Variants in NRCAM observed in about 807,000 individuals in gnomAD.
The protein encoded by NRCAM is neuronal cell adhesion molecule, also known as NgCAM-related cell adhesion molecule.
In NRCAM, 83 loss-of-function variants were observed where a neutral mutation model predicts 156.5. The observed-to-expected ratio is 0.53, with a 90% confidence interval of 0.44 to 0.64. The LOEUF is 0.64. NRCAM is among the 30% of genes least tolerant of loss of function. The pLI is 0.00. For synonymous variants in NRCAM, 538 were observed against 563.9 expected (o/e 0.95, Z 0.65); for missense variants, 1,417 against 1,597.3 (o/e 0.89, Z 1.92).
chr7:108,325,399 T>TCATTAGGAAAAAACCTACCTTTTGA (rs1366027979), intron 2 of NRCAM, among the ~76,000 whole-genome samples: 3 of 152,180 alleles, frequency 2.0e-5, no homozygotes, highest in Non-Finnish European at 4.4e-5. Context: ...CTTGGGCAAC[T>TCATTAGGAAAAAACCTACCTTTTGA]CATTAGGAAA....
At chr7:108,413,830 G>A (rs542823450) in intron 1 of NRCAM, among the ~76,000 whole-genome samples, 78 of 152,248 alleles carry the variant, frequency 5.1e-4, no homozygotes, top group African/African-American at 1.8e-3. Flanking sequence ...TCTCCACACT[G>A]TTCCTCTGGC....
At chr7:108,293,967 A>T (rs2098393523) in intron 3 of NRCAM, among the ~76,000 whole-genome samples, 1 of 152,074 alleles carries the variant, frequency 6.6e-6, no homozygotes, top group Non-Finnish European at 1.5e-5. Flanking sequence ...ATACTACTGG[A>T]GCCAGGAGTT....
intron 19 of NRCAM, among the ~76,000 whole-genome samples, 200 bp from the exon 20 acceptor site, chr7:108,189,946 T>C (rs1422572160): frequency 6.6e-6 from 1 of 152,174 alleles, no homozygotes; most frequent in Non-Finnish European, 1.5e-5. Context: ...ATCAATGAGT[T>C]CTGCTCACTT....
At chr7:108,320,915 G>A (rs978621992) in intron 2 of NRCAM, among the ~76,000 whole-genome samples, 3 of 152,192 alleles carry the variant, frequency 2.0e-5, no homozygotes, top group Non-Finnish European at 4.4e-5. Context: ...TTACGCAGGC[G>A]TAAATGCTCA....
chr7:108,381,443 G>T (rs1327183714), intron 2 of NRCAM, among the ~76,000 whole-genome samples: 6 of 152,066 alleles, frequency 3.9e-5, no homozygotes, highest in Admixed American at 3.9e-4. Context: ...ATCCAAAAAG[G>T]GCCTTCACTG....
Position 108,148,671 on chromosome 7 carries a change from C to A in NRCAM, c.*1239G>T, listed in dbSNP as rs777072606. The A allele has an allele frequency of 6.6e-6, 1 of 152,614 alleles. No individual in the cohort carries two copies. Among genetic ancestry groups the A allele is most frequent in the Non-Finnish European group, 1.5e-5 (1 of 68,026 alleles). The allele number at this position is 152,614 out of a possible 1,614,324, so 9.5% of individuals were successfully genotyped here. On this transcript the variant is annotated 3_prime_UTR_variant, in exon 33 of 33. Coordinates refer to ENST00000379028, the MANE Select transcript of NRCAM (RefSeq NM_001037132.4). ...TTTGCATACACGTTGTTTAATGCTG[C>A]AGAGTTTTGAACACTTACATAGGTA... is the stretch of plus-strand genomic sequence containing the variant.
At chr7:108,405,542 CAG>C (rs1404181551) in intron 1 of NRCAM, among the ~76,000 whole-genome samples, 1 of 152,184 alleles carries the variant, frequency 6.6e-6, no homozygotes, top group East Asian at 1.9e-4. Context: ...ACCCCAAAGT[CAG>C]AGAGCTTGTC....
At chr7:108,178,284 C>T in intron 25 of NRCAM, 172 bp from the exon 26 acceptor site, 1 of 590,002 alleles carries the variant, frequency 1.7e-6, no homozygotes, top group Non-Finnish European at 3.0e-6. Context: ...TTTAGTTATT[C>T]TCTTCCTTTT....
chr7:108,380,656 G>T (rs1292994042), intron 2 of NRCAM, among the ~76,000 whole-genome samples: 1 of 152,068 alleles, frequency 6.6e-6, no homozygotes, highest in Non-Finnish European at 1.5e-5. Context: ...TGCTCTTGGG[G>T]TCTAGTTTTC....
chr7:108,376,353 T>G (rs1358313388), intron 2 of NRCAM, among the ~76,000 whole-genome samples: 1 of 152,162 alleles, frequency 6.6e-6, no homozygotes, highest in African/African-American at 2.4e-5. Flanking sequence ...TCTCTGGAGG[T>G]AACCTGGTTC....
intron 1 of NRCAM, among the ~76,000 whole-genome samples, chr7:108,416,599 T>G (rs1801909235): frequency 6.6e-6 from 1 of 151,760 alleles, no homozygotes; most frequent in South Asian, 2.1e-4. Flanking sequence ...AAAAAAAAAG[T>G]CTTCCTTAAC....
intron 1 of NRCAM, among the ~76,000 whole-genome samples, chr7:108,399,825 T>G (rs1209390015): frequency 6.6e-6 from 1 of 152,160 alleles, no homozygotes; most frequent in Non-Finnish European, 1.5e-5. Flanking sequence ...TAATTCCAAT[T>G]ACATTGCAGT....
At chr7:108,374,711 A>C (rs966501736) in intron 2 of NRCAM, among the ~76,000 whole-genome samples, 1 of 152,150 alleles carries the variant, frequency 6.6e-6, no homozygotes, top group African/African-American at 2.4e-5. Context: ...CTCCAAATGC[A>C]AGGTAAGTCC....
At chr7:108,251,162 A>G (rs1355091833) in intron 3 of NRCAM, among the ~76,000 whole-genome samples, 2 of 152,330 alleles carry the variant, frequency 1.3e-5, no homozygotes, top group East Asian at 1.9e-4. Context: ...TTCTAAAGAT[A>G]AATATTTGTA....
At chr7:108,278,722 C>T (rs115206513) in intron 3 of NRCAM, among the ~76,000 whole-genome samples, 3,647 of 152,314 alleles carry the variant, frequency 0.024, 151 homozygotes, top group African/African-American at 0.082. Flanking sequence ...CCCAGTGAGG[C>T]GACACCCCAC....
chr7:108,160,189 T>C (rs899693047), intron 31 of NRCAM, among the ~76,000 whole-genome samples, 172 bp downstream of exon 31: 6 of 152,150 alleles, frequency 3.9e-5, no homozygotes, highest in African/African-American at 1.4e-4. Flanking sequence ...TCATTGACAA[T>C]GTTTAGATTG....
intron 15 of NRCAM, among the ~76,000 whole-genome samples, chr7:108,195,380 T>C (rs908115932): frequency 6.6e-6 from 1 of 152,106 alleles, no homozygotes; most frequent in African/African-American, 2.4e-5. Context: ...TCCCAGCACT[T>C]TGGGAGGCTG....
intron 1 of NRCAM, among the ~76,000 whole-genome samples, chr7:108,437,615 C>T (rs1043046521): frequency 6.6e-6 from 1 of 151,952 alleles, no homozygotes; most frequent in Non-Finnish European, 1.5e-5. Flanking sequence ...ACAACGGAGG[C>T]CTGAAGGCCG....
intron 3 of NRCAM, among the ~76,000 whole-genome samples, chr7:108,289,239 T>C (rs1169242085): frequency 3.3e-5 from 5 of 152,162 alleles, no homozygotes; most frequent in African/African-American, 4.8e-5. Flanking sequence ...ATTTAGGTAC[T>C]TGAAGCATGT....
Sources: gnomAD v4.1 joint callset for allele counts (sites outside exome capture counted in the v4.1 genomes callset) on GRCh38, gnomAD v4.1.1 for gene constraint, MANE v1.5 for transcripts, NCBI Gene and HGNC (gene_info 2026-07-23, HGNC 2026-07-21) for gene names.